The following ZNF362 variants were observed in gnomAD, a reference collection of about 807,000 sequenced individuals.
The protein encoded by ZNF362 is zinc finger protein 362, also known as rotund homolog.
A neutral mutation model predicts 42.9 loss-of-function variants in ZNF362; 11 were observed. That is an observed-to-expected ratio of 0.26 (90% CI 0.16 to 0.42). The LOEUF (loss-of-function observed/expected upper bound fraction) is 0.42, where lower values mean the gene tolerates loss of function less well. ZNF362 is among the 20% of genes least tolerant of loss of function. The pLI, the probability that ZNF362 is intolerant of heterozygous loss-of-function variation, is 1.00. For missense variants in ZNF362, 362 were observed against 576.2 expected, an observed-to-expected ratio of 0.63 and a Z score of 3.81; for synonymous variants, 255 against 257.3, an observed-to-expected ratio of 0.99 and a Z score of 0.09.
At chr1:33,248,504 G>C in the ZNF362 span, among the ~76,000 whole-genome samples, 1 of 152,196 alleles carries the variant, frequency 6.6e-6, no homozygotes. Flanking sequence ...TTCCTGCTGA[G>C]AACCCAGATT....
the ZNF362 span, chr1:33,147,675 C>A: frequency 1.9e-6 from 3 of 1,613,776 alleles, no homozygotes; most frequent in Non-Finnish European, 2.5e-6. The surrounding 1 kb of genome is among the most constrained non-coding windows in gnomAD (Gnocchi z 8.1). Flanking sequence ...AGTCGTCCGA[C>A]AGGATCAGGC....
At chr1:33,136,116 T>G in the ZNF362 span, among the ~76,000 whole-genome samples, 1 of 30,708 alleles carries the variant, frequency 3.3e-5, no homozygotes, top group Non-Finnish European at 8.8e-5. Flanking sequence ...GGGCCAGCCC[T>G]TCCTTCCTTC....
At chr1:33,216,973 A>G in the ZNF362 span, among the ~76,000 whole-genome samples, 3 of 151,734 alleles carry the variant, frequency 2.0e-5, no homozygotes, top group African/African-American at 4.8e-5. Flanking sequence ...GAATCCCCCT[A>G]GGGTGGTGTA....
intron 6 of ZNF362, among the ~76,000 whole-genome samples, chr1:33,287,798 TA>T (rs1646043231): frequency 6.6e-6 from 1 of 152,252 alleles, no homozygotes; most frequent in African/African-American, 2.4e-5. Flanking sequence ...TAAGGTGTTT[TA>T]ATATACAAGG....
the ZNF362 span, chr1:33,158,128 C>G: frequency 7.7e-6 from 6 of 783,200 alleles, no homozygotes; most frequent in Admixed American, 1.1e-4. Context: ...CTGGAACACA[C>G]TAGGTGCTCA....
At chr1:33,147,097 A>G in the ZNF362 span, 1 of 1,499,404 alleles carries the variant, frequency 6.7e-7, no homozygotes. The surrounding 1 kb of genome is among the most constrained non-coding windows in gnomAD (Gnocchi z 8.1). Context: ...GGTGGGCTGG[A>G]GTCCAGGTCT....
At chr1:33,286,745 C>A (rs1238377660) in intron 6 of ZNF362, among the ~76,000 whole-genome samples, 1 of 152,170 alleles carries the variant, frequency 6.6e-6, no homozygotes, top group Admixed American at 6.6e-5. Context: ...CAACCAGATT[C>A]CAGATTCCTT....
At chr1:33,158,160 C>T in the ZNF362 span, 2 of 1,178,928 alleles carry the variant, frequency 1.7e-6, no homozygotes, top group South Asian at 1.3e-5. Flanking sequence ...TGCTCATTCA[C>T]CCCAACTGCC....
the ZNF362 span, among the ~76,000 whole-genome samples, chr1:33,151,946 C>T: frequency 4.6e-5 from 7 of 152,352 alleles, no homozygotes; most frequent in South Asian, 4.1e-4. Context: ...ATGCAGAGGC[C>T]TGACAGAACA....
chr1:33,172,164 T>G, the ZNF362 span, among the ~76,000 whole-genome samples: 10 of 152,340 alleles, frequency 6.6e-5, no homozygotes, highest in African/African-American at 2.4e-4. Flanking sequence ...TGACCTGACA[T>G]GACGTACAGG....
chr1:33,211,576 C>G, the ZNF362 span, among the ~76,000 whole-genome samples: 1 of 152,172 alleles, frequency 6.6e-6, no homozygotes, highest in Non-Finnish European at 1.5e-5. Flanking sequence ...CCACTCTCTT[C>G]TGGTTTGCAG....
At chr1:33,234,829 G>C in the ZNF362 span, among the ~76,000 whole-genome samples, 2 of 152,332 alleles carry the variant, frequency 1.3e-5, no homozygotes, top group Admixed American at 1.3e-4. Flanking sequence ...GATGCAGGAA[G>C]TGGGACCCCT....
At chr1:33,227,488 C>T in the ZNF362 span, among the ~76,000 whole-genome samples, 3 of 152,160 alleles carry the variant, frequency 2.0e-5, no homozygotes, top group African/African-American at 7.2e-5. Flanking sequence ...CCCAGCTAAG[C>T]CCAGCCTTCA....
chr1:33,162,513 C>T, the ZNF362 span, among the ~76,000 whole-genome samples: 5 of 152,208 alleles, frequency 3.3e-5, no homozygotes, highest in Admixed American at 1.3e-4. Context: ...ACATCTCCCT[C>T]GGCTCTGCAC....
chr1:33,202,912 C>T, the ZNF362 span, among the ~76,000 whole-genome samples: 1 of 152,204 alleles, frequency 6.6e-6, no homozygotes, highest in Admixed American at 6.5e-5. Context: ...GGTATACATA[C>T]ATTTGGCGAA....
At chr1:33,273,072 G>A (rs113707165) in intron 2 of ZNF362, among the ~76,000 whole-genome samples, 108 of 152,338 alleles carry the variant, frequency 7.1e-4, no homozygotes, top group African/African-American at 2.4e-3. Flanking sequence ...CCACCCTCTT[G>A]TACAGGTCCC....
chr1:33,260,880 C>T (rs948833688), intron 1 of ZNF362, among the ~76,000 whole-genome samples: 5 of 152,172 alleles, frequency 3.3e-5, no homozygotes, highest in Admixed American at 3.3e-4. Flanking sequence ...GCTTTAGCAT[C>T]TGAGAAGCTT....
At chr1:33,253,380 T>C (rs1645770642), upstream of ZNF362, among the ~76,000 whole-genome samples, 1 of 150,732 alleles carries the variant, frequency 6.6e-6, no homozygotes, top group Non-Finnish European at 1.5e-5. Flanking sequence ...TAAGAAAATG[T>C]CTAAGCTAAG....
At chr1:33,270,712 C>T (rs1024464460) in intron 2 of ZNF362, 100 bp downstream of exon 2, 2 of 1,547,626 alleles carry the variant, frequency 1.3e-6, no homozygotes, top group Admixed American at 3.8e-5. Flanking sequence ...AGTGCCCCCG[C>T]TGCTACCCTC....
Sources: gnomAD v4.1 joint callset for allele counts (sites outside exome capture counted in the v4.1 genomes callset) on GRCh38, gnomAD v4.1.1 for gene constraint, Gnocchi (gnomAD v3.1) non-coding constraint, MANE v1.5 for transcripts, NCBI Gene and HGNC (gene_info 2026-07-23, HGNC 2026-07-21) for gene names.